The following TBC1D9 variants were observed in gnomAD, a reference collection of about 807,000 sequenced individuals.
TBC1D9 encodes TBC1 domain family member 9, also known as TBC1 domain family member 9A.
TBC1D9 carries 63 observed loss-of-function variants against 132.0 expected under a neutral mutation model. That is an observed-to-expected ratio of 0.48 (90% CI 0.39 to 0.59). TBC1D9 has a LOEUF of 0.59. TBC1D9 is among the 20% of genes least tolerant of loss of function. The pLI is 0.00. For missense variants in TBC1D9, 1,261 were observed against 1,592.7 expected (o/e 0.79, Z 3.54); for synonymous variants, 610 against 609.9 (o/e 1.00, Z 0.00).
In TBC1D9 at chr4:140,677,062, T is replaced by C; in HGVS notation, c.891A>G (p.Ala297=). The C allele has an allele frequency of 2.5e-6, 4 of 1,613,978 alleles. No homozygotes were observed. Among genetic ancestry groups the C allele is most frequent in the Non-Finnish European group, 3.4e-6 (4 of 1,179,868 alleles). Residue 297 remains alanine, a synonymous_variant, in exon 6 of 21, where the codon GCA becomes GCG. Coordinates refer to ENST00000442267, the MANE Select transcript of TBC1D9 (RefSeq NM_015130.3). ...TTTCATCTTTGGGCAGCCGGAAAAG[T>C]GCACGGTATCTCTCACTCTTTGCCC... is the stretch of plus-strand genomic sequence containing the variant. ...DARAKSERYR[A]LFRLPKDEKL...
At chr4:140,656,568 GA>G (rs1737275761) in intron 13 of TBC1D9, among the ~76,000 whole-genome samples, 1 of 152,098 alleles carries the variant, frequency 6.6e-6, no homozygotes, top group African/African-American at 2.4e-5. Flanking sequence ...CACAGCACAA[GA>G]ACCATCCTAT....
Position 140,624,102 on chromosome 4 carries a change from C to A in TBC1D9, c.3078+14G>T. ...CCAGGTTTGAAGCGAATGATTTGAA[C>A]TTTAAGCACTTACCTGATTTAATTT... is the stretch of plus-strand genomic sequence containing the variant. On this transcript the variant is annotated intron_variant, in intron 20 of 20. Coordinates refer to ENST00000442267, the MANE Select transcript of TBC1D9 (RefSeq NM_015130.3). The A allele has an allele frequency of 6.3e-7, 1 of 1,584,910 alleles. No homozygotes were observed. Among genetic ancestry groups the A allele is most frequent in the Non-Finnish European group, 8.6e-7 (1 of 1,161,884 alleles).
At chr4:140,647,427 G>A (rs1737119878) in intron 13 of TBC1D9, among the ~76,000 whole-genome samples, 1 of 152,134 alleles carries the variant, frequency 6.6e-6, no homozygotes, top group Non-Finnish European at 1.5e-5. Flanking sequence ...AAATTTTGGA[G>A]CTAGACAAAA....
At chr4:140,742,769 C>G (rs1221872599) in intron 1 of TBC1D9, among the ~76,000 whole-genome samples, 1 of 152,062 alleles carries the variant, frequency 6.6e-6, no homozygotes, top group Admixed American at 6.6e-5. Context: ...CTTTCCCACT[C>G]CAGTCCTCTC....
chr4:140,643,216 C>T (rs1737037959), intron 13 of TBC1D9: 2 of 1,365,304 alleles, frequency 1.5e-6, no homozygotes, highest in South Asian at 1.3e-5. Context: ...GCCCGCTCCG[C>T]ACCTCCCACC....
intron 1 of TBC1D9, among the ~76,000 whole-genome samples, chr4:140,729,114 A>G (rs1011194672): frequency 6.6e-6 from 1 of 152,072 alleles, no homozygotes; most frequent in Non-Finnish European, 1.5e-5. Flanking sequence ...TCCCTCTGTC[A>G]TGCAGTCCTC....
At chr4:140,652,314 T>C (rs554891474) in intron 13 of TBC1D9, among the ~76,000 whole-genome samples, 13 of 152,286 alleles carry the variant, frequency 8.5e-5, no homozygotes, top group African/African-American at 3.1e-4. Context: ...CTCCTGGGTC[T>C]TTCCCATATA....
At position 140,706,445 on chromosome 4, in the gene TBC1D9, C is replaced by G. The variant is rs144373517; in HGVS notation, c.131-4831G>C. ...TAGAAAGTGCTTAGTATGCACTAAG[C>G]ACTATTGTGTAATGAATCATTCAAA... On this transcript the variant is annotated intron_variant, in intron 1 of 20. Transcript: ENST00000442267. The surrounding 1 kb of genome is among the most constrained non-coding windows in gnomAD (Gnocchi z 4.0). 6.6e-6 allele frequency among the ~76,000 whole-genome samples: 1 copy of G among 152,072 alleles called. No individual in the cohort carries two copies. The highest frequency in any genetic ancestry group is 1.5e-5 in the Non-Finnish European group (1 of 68,010).
chr4:140,643,798 G>A (rs1737052157), intron 13 of TBC1D9: 2 of 822,736 alleles, frequency 2.4e-6, no homozygotes, highest in Admixed American at 2.1e-5. Flanking sequence ...GTGCAGCCCT[G>A]CCCGGTGGCA....
intron 1 of TBC1D9, among the ~76,000 whole-genome samples, chr4:140,749,340 CA>C (rs1738887090): frequency 6.6e-6 from 1 of 152,000 alleles, no homozygotes; most frequent in African/African-American, 2.4e-5. Flanking sequence ...AATAGAGTCT[CA>C]AAAAGTGTAA....
At chr4:140,656,003 A>G (rs1737261032) in intron 13 of TBC1D9, among the ~76,000 whole-genome samples, 1 of 152,126 alleles carries the variant, frequency 6.6e-6, no homozygotes, top group Admixed American at 6.6e-5. Context: ...GTGAATGGTA[A>G]AGCACTGGAG....
chr4:140,675,600 C>T (rs2111014560), intron 6 of TBC1D9, among the ~76,000 whole-genome samples: 1 of 152,302 alleles, frequency 6.6e-6, no homozygotes, highest in South Asian at 2.1e-4. Flanking sequence ...AACCCACCTC[C>T]ACCCCAGAAC....
chr4:140,694,782 G>T (rs571999524), intron 2 of TBC1D9, among the ~76,000 whole-genome samples: 1 of 108,670 alleles, frequency 9.2e-6, no homozygotes, highest in Non-Finnish European at 1.7e-5. Flanking sequence ...GTATATTGGA[G>T]ATTTTTTAAA....
intron 1 of TBC1D9, among the ~76,000 whole-genome samples, chr4:140,752,846 T>C (rs1738946596): frequency 6.6e-6 from 1 of 152,202 alleles, no homozygotes; most frequent in Admixed American, 6.5e-5. Flanking sequence ...AGCTCCCTGA[T>C]GACCACACTT....
chr4:140,653,726 C>T (rs1253557781), intron 13 of TBC1D9, among the ~76,000 whole-genome samples: 1 of 152,136 alleles, frequency 6.6e-6, no homozygotes, highest in African/African-American at 2.4e-5. Context: ...AGTAGTGACA[C>T]TTAAGCAGAG....
intron 20 of TBC1D9, among the ~76,000 whole-genome samples, chr4:140,623,762 G>C (rs1044203636): frequency 6.6e-6 from 1 of 152,080 alleles, no homozygotes; most frequent in Admixed American, 6.5e-5. Context: ...CATTTCACCA[G>C]GTTTTTAAGG....
At chr4:140,643,075 T>C in intron 13 of TBC1D9, 1 of 1,332,170 alleles carries the variant, frequency 7.5e-7, no homozygotes, top group Non-Finnish European at 1.0e-6. Flanking sequence ...CAGCTGTACT[T>C]ATTGTGGGCT....
At chr4:140,696,138 C>T (rs1262044532) in intron 2 of TBC1D9, among the ~76,000 whole-genome samples, 1 of 152,066 alleles carries the variant, frequency 6.6e-6, no homozygotes, top group Non-Finnish European at 1.5e-5. Flanking sequence ...CTTCTTCAGA[C>T]CAACTTGGAT....
At chr4:140,704,217 G>A (rs1738115007) in intron 1 of TBC1D9, among the ~76,000 whole-genome samples, 1 of 151,906 alleles carries the variant, frequency 6.6e-6, no homozygotes, top group Non-Finnish European at 1.5e-5. Flanking sequence ...GGCCAACATG[G>A]TGAACACCCT....
Sources: gnomAD v4.1 joint callset for allele counts (sites outside exome capture counted in the v4.1 genomes callset) on GRCh38, gnomAD v4.1.1 for gene constraint, Gnocchi (gnomAD v3.1) non-coding constraint, MANE v1.5 for transcripts, NCBI Gene and HGNC (gene_info 2026-07-23, HGNC 2026-07-21) for gene names.